The following TOP2B variants were observed in gnomAD, a reference collection of about 807,000 sequenced individuals.
TOP2B encodes DNA topoisomerase II beta.
A neutral mutation model predicts 193.5 loss-of-function variants in TOP2B; 51 were observed. That is an observed-to-expected ratio of 0.26 (90% CI 0.21 to 0.33). The LOEUF is 0.33. Ranked by LOEUF, TOP2B falls within the 10% of genes least tolerant of loss-of-function variation. The pLI is 1.00. For missense variants in TOP2B, 1,378 were observed against 1,909.3 expected (o/e 0.72, Z 5.19); for synonymous variants, 634 against 635.7 (o/e 1.00, Z 0.04).
Position 25,599,438 on chromosome 3 carries a change from G to C in TOP2B, c.4707C>G (p.Ser1569Arg), listed in dbSNP as rs1702028472. ...NPGRKTSKTT[S>R]KKPKKTSFDQ... ...ATGCAATGATGTTCCCGGTTACCTT[G>C]CTTGTTGTTTTGGATGTTTTCCTGC... Residue 1569 changes from serine (S) to arginine (R), a missense_variant, in exon 35 of 36, where the codon AGC (serine) becomes AGG (arginine). Transcript: ENST00000264331. The C allele has an allele frequency of 6.2e-7, 1 of 1,612,940 alleles. No homozygotes were observed. The highest frequency in any genetic ancestry group is 8.5e-7 in the Non-Finnish European group (1 of 1,179,386).
At chr3:25,646,083 T>C (rs1173660217) in intron 1 of TOP2B, among the ~76,000 whole-genome samples, 1 of 152,038 alleles carries the variant, frequency 6.6e-6, no homozygotes, top group Non-Finnish European at 1.5e-5. Context: ...AAGTTAATTT[T>C]TGTGGTCCTC....
rs1553645644 is a variant in TOP2B at position 25,664,381 on chromosome 3, A to C, written c.-84T>G. The C allele has an allele frequency of 7.4e-7, 1 of 1,354,686 alleles. No homozygotes were observed. Among genetic ancestry groups the C allele is most frequent in the Non-Finnish European group, 9.4e-7 (1 of 1,064,628 alleles). 83.9% of individuals were successfully genotyped at this position (1,354,686 alleles called of 1,614,324 possible). A position where few individuals can be genotyped will look rare whatever the true frequency, so the allele number is the denominator to read the frequency against. On this transcript the variant is annotated 5_prime_UTR_variant, in exon 1 of 36. Coordinates refer to ENST00000264331, the MANE Select transcript of TOP2B (RefSeq NM_001330700.2). ...GGGCCGCTGGGCCCCGCCGCTCCGC[A>C]CCCACCGCTCCACTCGCCGCACTCC...
chr3:25,610,547 T>C (rs1370383614), intron 28 of TOP2B, among the ~76,000 whole-genome samples: 1 of 152,170 alleles, frequency 6.6e-6, no homozygotes, highest in Middle Eastern at 3.2e-3. Context: ...GAATTAAATG[T>C]TTAAAGAATT....
At chr3:25,615,698 AT>A (rs1702485771) in intron 25 of TOP2B, 112 bp from the exon 26 acceptor site, 1 of 916,332 alleles carries the variant, frequency 1.1e-6, no homozygotes, top group Non-Finnish European at 1.5e-6. Context: ...TAAATGCTAC[AT>A]CTTCAGGATG....
chr3:25,629,602 T>A (rs1702900711), intron 13 of TOP2B, among the ~76,000 whole-genome samples: 1 of 152,156 alleles, frequency 6.6e-6, no homozygotes. Flanking sequence ...TTAGAGTGCA[T>A]AAGAGAAAAC....
In TOP2B at chr3:25,618,254, CTGTACT is replaced by C. The variant is rs1702563588; in HGVS notation, c.3351+158_3351+163del. 5 of 598,900 alleles carry C rather than the reference CTGTACT, an allele frequency of 8.3e-6. No individual in the cohort carries two copies. The South Asian group carries it at 1.1e-4, about 13-fold the overall frequency. 37.1% of individuals were successfully genotyped at this position (598,900 alleles called of 1,614,324 possible). ...TGTGGTGGGTGTGTACTATAAATTC[CTGTACT>C]TTATCTGTTCTGTGGATAAACAGAA... On this transcript the variant is annotated intron_variant, in intron 25 of 35. Transcript: ENST00000264331.
intron 5 of TOP2B, 148 bp downstream of exon 5, chr3:25,638,017 A>T: frequency 1.2e-6 from 1 of 804,368 alleles, no homozygotes; most frequent in Non-Finnish European, 1.9e-6. Flanking sequence ...TTAAACTATT[A>T]CCAAGACAAT....
At chr3:25,660,049 A>G (rs1362672962) in intron 1 of TOP2B, among the ~76,000 whole-genome samples, 2 of 152,200 alleles carry the variant, frequency 1.3e-5, no homozygotes, top group Non-Finnish European at 2.9e-5. Flanking sequence ...TACTCAGTAA[A>G]ATGCAATTGT....
chr3:25,652,664 T>C (rs1036225020), intron 1 of TOP2B, among the ~76,000 whole-genome samples: 13 of 152,124 alleles, frequency 8.5e-5, no homozygotes, highest in African/African-American at 2.7e-4. Flanking sequence ...ATTTATGTAA[T>C]GCAGCTAAAA....
chr3:25,632,010 T>C (rs1702973453), intron 10 of TOP2B, among the ~76,000 whole-genome samples: 1 of 152,034 alleles, frequency 6.6e-6, no homozygotes, highest in Non-Finnish European at 1.5e-5. Flanking sequence ...CCTAAAAAAA[T>C]TATGTGCAAA....
intron 1 of TOP2B, among the ~76,000 whole-genome samples, chr3:25,647,614 T>TA (rs61293801): frequency 4.4e-3 from 642 of 144,402 alleles, no homozygotes; most frequent in East Asian, 9.6e-3. Flanking sequence ...CACACAGGGA[T>TA]AAAAAAAAAA....
intron 17 of TOP2B, 29 bp downstream of exon 17, chr3:25,626,743 T>G: frequency 6.4e-7 from 1 of 1,565,796 alleles, no homozygotes; most frequent in South Asian, 1.2e-5. Context: ...TCTCCTTCTT[T>G]CCCCAGGTCA....
intron 4 of TOP2B, among the ~76,000 whole-genome samples, chr3:25,639,596 G>A (rs752717111): frequency 4.6e-5 from 7 of 152,178 alleles, no homozygotes; most frequent in Non-Finnish European, 7.4e-5. Flanking sequence ...GTGAGCCACC[G>A]CGCCCAGCCT....
chr3:25,609,583 C>G lies in TOP2B; in HGVS notation c.3916G>C (p.Glu1306Gln). The change falls in exon 29 of 36, where the codon GAG becomes CAG. Residue 1306 changes from glutamate (E) to glutamine (Q), a missense_variant. Glu to Gln is a conservative substitution (Grantham distance 29). Around this residue, in one of 9 missense-constraint regions of TOP2B, gnomAD observed 556 missense variants for 584.2 expected, o/e 0.95. Transcript: ENST00000264331. ...CATTTCTCACCAGGCTCCTTCTTCT[C>G]CCTCTTAGGTTTGGGACCTTTATTT... Reference protein sequence around the residue: ...PINKGPKPKREKKEPGTRVRK... With the variant: ...PINKGPKPKRQKKEPGTRVRK... 1 of 1,606,342 alleles carries G rather than the reference C, an allele frequency of 6.2e-7. No individual in the cohort carries two copies.
At chr3:25,621,814 C>T (rs923482909) in intron 21 of TOP2B, among the ~76,000 whole-genome samples, 1 of 151,982 alleles carries the variant, frequency 6.6e-6, no homozygotes, top group Non-Finnish European at 1.5e-5. Context: ...CACAGTGAAA[C>T]CCCGTCTCTA....
rs61751635 is a variant in TOP2B at position 25,607,276 on chromosome 3, T to A, written c.4193A>T (p.Lys1398Ile). ...DNNDLEELKV[K>I]ASPITNDGED... ...CCCATCATTTGTTATGGGAGATGCTTTAACTTTCAATTCCTCTAAATCATT... is the reference window on the plus strand; with the variant it reads ...CCCATCATTTGTTATGGGAGATGCTATAACTTTCAATTCCTCTAAATCATT... Residue 1398 changes from lysine (K) to isoleucine (I), a missense_variant, in exon 31 of 36, where the codon AAA (lysine) becomes ATA (isoleucine). By Grantham distance (102) the Lys-to-Ile change is moderately radical. Transcript: ENST00000264331. 1.6e-4 allele frequency: 248 copies of A among 1,576,070 alleles called. No individual in the cohort carries two copies. Among genetic ancestry groups the A allele is most frequent in the Admixed American group, 3.0e-4 (16 of 53,870 alleles).
chr3:25,640,775 T>TG (rs1230375707), intron 4 of TOP2B, among the ~76,000 whole-genome samples: 2 of 138,730 alleles, frequency 1.4e-5, no homozygotes, highest in African/African-American at 5.2e-5. Context: ...TTTTTTTTTT[T>TG]GAGATGGGGT....
intron 18 of TOP2B, among the ~76,000 whole-genome samples, chr3:25,626,155 T>A (rs1702796421): frequency 6.6e-6 from 1 of 152,142 alleles, no homozygotes; most frequent in South Asian, 2.1e-4. Context: ...GTTCCTAAAT[T>A]TTTTTCAAGT....
intron 27 of TOP2B, 136 bp downstream of exon 27, chr3:25,615,069 A>C (rs1702469421): frequency 1.7e-6 from 1 of 574,722 alleles, no homozygotes; most frequent in Admixed American, 3.9e-5. Flanking sequence ...CATAACTAGA[A>C]GCTTAAGCCT....
Sources: gnomAD v4.1 joint callset for allele counts (sites outside exome capture counted in the v4.1 genomes callset) on GRCh38, gnomAD v4.1.1 for gene constraint, gnomAD v4.1.1 regional missense constraint, MANE v1.5 for transcripts, NCBI Gene and HGNC (gene_info 2026-07-23, HGNC 2026-07-21) for gene names.